The following DACH1 variants were observed in gnomAD, a reference collection of about 807,000 sequenced individuals.
DACH1 encodes the protein dachshund homolog 1.
A neutral mutation model predicts 54.2 loss-of-function variants in DACH1; 12 were observed. The ratio of observed to expected loss-of-function variants is 0.22; its 90% CI spans 0.14 to 0.36. DACH1 has a LOEUF of 0.36. Ranked by LOEUF, DACH1 falls within the 10% of genes least tolerant of loss-of-function variation. The pLI, the probability that DACH1 is intolerant of heterozygous loss-of-function variation, is 1.00. For synonymous variants in DACH1, 386 were observed against 366.2 expected, an observed-to-expected ratio of 1.05 and a Z score of -0.62; for missense variants, 805 against 929.8, an observed-to-expected ratio of 0.87 and a Z score of 1.75.
intron 1 of DACH1, among the ~76,000 whole-genome samples, chr13:71,717,809 C>G (rs1462044464): frequency 6.6e-6 from 1 of 151,924 alleles, no homozygotes; most frequent in African/African-American, 2.4e-5. Context: ...ATAAGCTCAT[C>G]AGTCAGATCT....
intron 6 of DACH1, among the ~76,000 whole-genome samples, chr13:71,505,379 C>T (rs574606759): frequency 5.3e-5 from 8 of 152,246 alleles, no homozygotes; most frequent in East Asian, 3.9e-4. Context: ...CTGCGCCCAG[C>T]CTAAAAATTT....
chr13:71,559,345 G>A (rs931508635), intron 5 of DACH1, among the ~76,000 whole-genome samples: 59 of 152,082 alleles, frequency 3.9e-4, no homozygotes, highest in African/African-American at 1.4e-3. Context: ...GAATGACTTA[G>A]AAATGTATGC....
chr13:71,452,001 G>A (rs1875102858), intron 10 of DACH1, among the ~76,000 whole-genome samples: 2 of 152,166 alleles, frequency 1.3e-5, no homozygotes, highest in Admixed American at 1.3e-4. Flanking sequence ...TATATAGACA[G>A]AGAAAATGCT....
At chr13:71,587,731 C>T (rs1028970714) in intron 3 of DACH1, among the ~76,000 whole-genome samples, 3 of 152,012 alleles carry the variant, frequency 2.0e-5, no homozygotes, top group South Asian at 4.1e-4. Flanking sequence ...AGATAAAAGC[C>T]AGCTGGATCT....
At chr13:71,529,610 C>T (rs966885898) in intron 6 of DACH1, among the ~76,000 whole-genome samples, 3 of 152,084 alleles carry the variant, frequency 2.0e-5, no homozygotes, top group African/African-American at 4.8e-5. Context: ...AAAATAACTT[C>T]GGAGAATATT....
chr13:71,566,833 T>G (rs1034868166), intron 4 of DACH1, among the ~76,000 whole-genome samples: 5 of 152,050 alleles, frequency 3.3e-5, no homozygotes, highest in African/African-American at 1.2e-4. Context: ...TGAAAAAAAT[T>G]TATGTCTAAA....
intron 1 of DACH1, among the ~76,000 whole-genome samples, chr13:71,785,576 AAGG>A (rs757177600): frequency 6.6e-6 from 1 of 152,178 alleles, no homozygotes; most frequent in Non-Finnish European, 1.5e-5. Flanking sequence ...CTCTTGTATC[AAGG>A]AGATGTTTTC....
intron 1 of DACH1, among the ~76,000 whole-genome samples, chr13:71,779,108 T>TAC: frequency 8.0e-6 from 1 of 125,108 alleles, no homozygotes. Context: ...AATATATATA[T>TAC]ATACATATAT....
chr13:71,519,625 C>CTCATGT (rs1881420670), intron 6 of DACH1, among the ~76,000 whole-genome samples: 2 of 151,120 alleles, frequency 1.3e-5, no homozygotes, highest in African/African-American at 4.9e-5. Flanking sequence ...GAATCCAGAG[C>CTCATGT]TCATGTTTTC....
At chr13:71,530,910 A>G (rs756437176) in intron 6 of DACH1, among the ~76,000 whole-genome samples, 2 of 152,166 alleles carry the variant, frequency 1.3e-5, no homozygotes, top group Non-Finnish European at 2.9e-5. Flanking sequence ...AAAGAATTCT[A>G]AAGATAATTT....
intron 1 of DACH1, among the ~76,000 whole-genome samples, chr13:71,749,100 T>C (rs1230192809): frequency 6.6e-6 from 1 of 152,030 alleles, no homozygotes; most frequent in Non-Finnish European, 1.5e-5. Context: ...TTCTTGGGCC[T>C]TAGCCTCCTG....
chr13:71,519,016 G>T (rs987118363), intron 6 of DACH1, among the ~76,000 whole-genome samples: 1 of 151,832 alleles, frequency 6.6e-6, no homozygotes, highest in African/African-American at 2.4e-5. Context: ...TATACATCTG[G>T]TTTCTCACTA....
intron 1 of DACH1, among the ~76,000 whole-genome samples, chr13:71,706,696 A>G (rs551144676): frequency 3.3e-5 from 5 of 152,208 alleles, no homozygotes; most frequent in African/African-American, 9.6e-5. Flanking sequence ...ATTTTATTCT[A>G]TATCTATTTT....
intron 3 of DACH1, among the ~76,000 whole-genome samples, chr13:71,591,445 C>T (rs1229525904): frequency 6.6e-6 from 1 of 152,074 alleles, no homozygotes; most frequent in African/African-American, 2.4e-5. Flanking sequence ...GTTAAAAAAT[C>T]TTAAATATAT....
In DACH1 at chr13:71,616,943, G is replaced by A. The variant is rs572390834; in HGVS notation, c.1126+13613C>T. On this transcript the variant is annotated intron_variant, in intron 3 of 10. Transcript: ENST00000613252. ...GTTGCCCAGGCTGGAGTGCAATGGCGCGATCTTGGCTCACTGCAACCTCCA... is the reference window on the plus strand; with the variant it reads ...GTTGCCCAGGCTGGAGTGCAATGGCACGATCTTGGCTCACTGCAACCTCCA... 4.4e-4 allele frequency among the ~76,000 whole-genome samples: 66 copies of A among 149,806 alleles called. 1 individual carries two copies. The highest frequency in any genetic ancestry group is 6.0e-4 in the East Asian group (3 of 5,040).
At chr13:71,708,852 GTT>G (rs11322352) in intron 1 of DACH1, among the ~76,000 whole-genome samples, 45 of 120,378 alleles carry the variant, frequency 3.7e-4, no homozygotes, top group Admixed American at 2.9e-3. Context: ...GTTTTTTGTT[GTT>G]TTTTTTTTTT....
chr13:71,513,949 A>G (rs1225226174), intron 6 of DACH1, among the ~76,000 whole-genome samples: 1 of 152,046 alleles, frequency 6.6e-6, no homozygotes, highest in African/African-American at 2.4e-5. Context: ...TTTACCTTGT[A>G]TTAATATTTT....
In DACH1 at chr13:71,866,472, C is replaced by T. The variant is rs1417636007; in HGVS notation, c.298G>A (p.Gly100Ser). The change falls in exon 1 of 11, where the codon GGT (glycine) becomes AGT (serine). Residue 100 changes from glycine to serine, a missense_variant. Around this residue, in one of 3 missense-constraint regions of DACH1, gnomAD observed 305 missense variants for 308.7 expected, o/e 0.99. Transcript: ENST00000613252. ...AGGTTGGGGTTGCAGTTGCTGCCACCGCCGCCGCCGCCACCGCCGCCTCCG... is the reference window on the plus strand; with the variant it reads ...AGGTTGGGGTTGCAGTTGCTGCCACTGCCGCCGCCGCCACCGCCGCCTCCG... ...GNGGGGGGGG[G>S]GSNCNPNLAA... is the part of the protein sequence containing the mutation. 6 of 1,255,142 alleles carry T rather than the reference C, an allele frequency of 4.8e-6. No individual in the cohort carries two copies. The East Asian group carries it at 1.3e-4, about 28-fold the overall frequency. The allele number at this position is 1,255,142 out of a possible 1,614,324, so 77.8% of individuals were successfully genotyped here. A position where few individuals can be genotyped will look rare whatever the true frequency, so the allele number is the denominator to read the frequency against.
At chr13:71,449,037 A>G (rs930676224) in intron 10 of DACH1, among the ~76,000 whole-genome samples, 1 of 152,170 alleles carries the variant, frequency 6.6e-6, no homozygotes. Context: ...ATACACCACA[A>G]TAAGAAATAG....
Sources: allele counts gnomAD v4.1 joint callset (sites outside exome capture counted in the v4.1 genomes callset), GRCh38; gene constraint gnomAD v4.1.1; regional missense constraint gnomAD v4.1.1; transcripts MANE v1.5; gene names NCBI Gene and HGNC (gene_info 2026-07-23, HGNC 2026-07-21).